SYTL2: variants seen among roughly 807,000 people sequenced by gnomAD.
The protein encoded by SYTL2 is synaptotagmin like 2.
A neutral mutation model predicts 198.7 loss-of-function variants in SYTL2; 165 were observed. The ratio of observed to expected loss-of-function variants is 0.83; its 90% CI spans 0.73 to 0.94. The LOEUF (loss-of-function observed/expected upper bound fraction) is 0.94, where lower values mean the gene tolerates loss of function less well. Among genes scored for constraint, SYTL2 ranks in the 40% least tolerant of loss-of-function variants. SYTL2 has a pLI of 0.00. For missense variants in SYTL2, 2,835 were observed against 2,582.8 expected (o/e 1.10, Z -2.12); for synonymous variants, 966 against 917.7 (o/e 1.05, Z -0.95).
the SYTL2 span, among the ~76,000 whole-genome samples, chr11:85,838,289 T>C: frequency 6.6e-6 from 1 of 152,184 alleles, no homozygotes; most frequent in African/African-American, 2.4e-5. Context: ...GCAGGAAATA[T>C]ATTATTTCTT....
chr11:85,853,472 TAA>T, the SYTL2 span: 1 of 338,184 alleles, frequency 3.0e-6, no homozygotes, highest in East Asian at 1.1e-4. Flanking sequence ...GCATGCTCCT[TAA>T]GAGTCATCAC....
chr11:85,737,106 A>G (rs532544745), intron 5 of SYTL2, among the ~76,000 whole-genome samples: 1 of 152,286 alleles, frequency 6.6e-6, no homozygotes, highest in African/African-American at 2.4e-5. Context: ...ATTATCATCA[A>G]TTCTAATGAT....
chr11:85,759,658 C>A (rs1023585700), intron 1 of SYTL2, among the ~76,000 whole-genome samples: 6 of 152,196 alleles, frequency 3.9e-5, no homozygotes, highest in African/African-American at 1.4e-4. Flanking sequence ...GATCTCCCCC[C>A]ATGAAGTTTG....
intron 1 of SYTL2, among the ~76,000 whole-genome samples, chr11:85,779,637 G>GTT (rs34175263): frequency 2.6e-3 from 392 of 148,122 alleles, no homozygotes; most frequent in East Asian, 3.7e-3. Flanking sequence ...CTCATCAAGT[G>GTT]TTTTTTTTTT....
the SYTL2 span, among the ~76,000 whole-genome samples, chr11:85,848,213 C>T: frequency 6.6e-6 from 1 of 150,854 alleles, no homozygotes; most frequent in South Asian, 2.1e-4. Flanking sequence ...GCATTCCAGC[C>T]TGGTGACAGA....
the SYTL2 span, among the ~76,000 whole-genome samples, chr11:85,847,419 T>A: frequency 6.6e-6 from 1 of 152,152 alleles, no homozygotes; most frequent in Non-Finnish European, 1.5e-5. Flanking sequence ...CTGGCAACAT[T>A]CCTTTTTTTA....
At chr11:85,696,483 TGGA>T (rs2083428680) in intron 18 of SYTL2, 95 bp from the exon 19 acceptor site, 1 of 1,048,116 alleles carries the variant, frequency 9.5e-7, no homozygotes, top group Non-Finnish European at 1.5e-6. Flanking sequence ...AGATTGACAA[TGGA>T]GGAAAAGATG....
At chr11:85,752,199 C>G (rs1303165919) in intron 2 of SYTL2, among the ~76,000 whole-genome samples, 8 of 152,156 alleles carry the variant, frequency 5.3e-5, no homozygotes, top group Admixed American at 3.3e-4. Flanking sequence ...GTTGACTGGT[C>G]TATTCTCCAG....
chr11:85,832,792 G>A, the SYTL2 span, among the ~76,000 whole-genome samples: 5 of 151,108 alleles, frequency 3.3e-5, no homozygotes, highest in African/African-American at 1.2e-4. Context: ...AGGAGTTCAA[G>A]ACCAGCCTGG....
chr11:85,820,827 T>C, the SYTL2 span, among the ~76,000 whole-genome samples: 1 of 152,232 alleles, frequency 6.6e-6, no homozygotes, highest in Non-Finnish European at 1.5e-5. Flanking sequence ...CACTTAAGAT[T>C]TGGGCACTTT....
intron 8 of SYTL2, among the ~76,000 whole-genome samples, chr11:85,721,959 G>A (rs1255842484): frequency 1.3e-5 from 2 of 151,956 alleles, no homozygotes; most frequent in African/African-American, 4.8e-5. Context: ...GAGCTCAGCC[G>A]CAAGTCAAAT....
intron 14 of SYTL2, among the ~76,000 whole-genome samples, chr11:85,708,931 C>T (rs1054018053): frequency 1.4e-5 from 2 of 141,478 alleles, no homozygotes; most frequent in Admixed American, 7.5e-5. Flanking sequence ...CTGCAAGCTC[C>T]GCCTCCTCGC....
At chr11:85,806,709 A>G (rs982385376) in intron 1 of SYTL2, among the ~76,000 whole-genome samples, 25 of 152,178 alleles carry the variant, frequency 1.6e-4, no homozygotes, top group Non-Finnish European at 3.4e-4. Context: ...AAGTAGAAAC[A>G]TTTTCTCATA....
chr11:85,798,534 G>C (rs917899731), intron 1 of SYTL2, among the ~76,000 whole-genome samples: 2 of 152,186 alleles, frequency 1.3e-5, no homozygotes, highest in Non-Finnish European at 2.9e-5. Context: ...TCCAAGTCCA[G>C]TCCCAGGTTT....
chr11:85,799,930 C>T (rs2092860058), intron 1 of SYTL2, among the ~76,000 whole-genome samples: 1 of 152,336 alleles, frequency 6.6e-6, no homozygotes, highest in East Asian at 1.9e-4. Flanking sequence ...ATTCTTCCCA[C>T]TACAGCATGC....
At chr11:85,851,793 T>C in the SYTL2 span, among the ~76,000 whole-genome samples, 23 of 152,376 alleles carry the variant, frequency 1.5e-4, no homozygotes, top group Non-Finnish European at 5.9e-5. Context: ...AAATTGCTTT[T>C]CTATTTAACT....
At chr11:85,853,988 G>GCACTCAC in the SYTL2 span, 3 of 152,024 alleles carry the variant, frequency 2.0e-5, no homozygotes, top group Admixed American at 2.0e-4. Flanking sequence ...GGGACTACAG[G>GCACTCAC]CACTCACCAC....
At chr11:85,699,945 C>T (rs1229564995) in intron 17 of SYTL2, among the ~76,000 whole-genome samples, 1 of 152,118 alleles carries the variant, frequency 6.6e-6, no homozygotes, top group Admixed American at 6.6e-5. Context: ...TTAATTCCCA[C>T]CTGTGAAAAA....
At chr11:85,744,659 T>C (rs902377090) in intron 4 of SYTL2, among the ~76,000 whole-genome samples, 2 of 152,196 alleles carry the variant, frequency 1.3e-5, no homozygotes, top group Non-Finnish European at 2.9e-5. Context: ...ATGCTAGAAA[T>C]ATCCCTGTTT....
Sources: allele counts gnomAD v4.1 joint callset (sites outside exome capture counted in the v4.1 genomes callset), GRCh38; gene constraint gnomAD v4.1.1; transcripts MANE v1.5; gene names NCBI Gene and HGNC (gene_info 2026-07-23, HGNC 2026-07-21).